Variants in TNFAIP8L3 observed in about 807,000 individuals in gnomAD.
TNFAIP8L3 encodes tumor necrosis factor alpha-induced protein 8-like protein 3.
TNFAIP8L3 carries 7 observed loss-of-function variants against 11.8 expected under a neutral mutation model. The observed-to-expected ratio is 0.59, with a 90% confidence interval of 0.34 to 1.11. The LOEUF is 1.11. Among genes scored for constraint, TNFAIP8L3 ranks in the 50% most tolerant of loss-of-function variants. The pLI, the probability that TNFAIP8L3 is intolerant of heterozygous loss-of-function variation, is 0.03. For synonymous variants in TNFAIP8L3, 98 were observed against 103.8 expected, an observed-to-expected ratio of 0.94 and a Z score of 0.34; for missense variants, 219 against 258.6, an observed-to-expected ratio of 0.85 and a Z score of 1.05.
intron 1 of TNFAIP8L3, among the ~76,000 whole-genome samples, chr15:51,089,914 C>T (rs2065455714): frequency 6.6e-6 from 1 of 152,232 alleles, no homozygotes; most frequent in Admixed American, 6.5e-5. Flanking sequence ...CATTCCCAGG[C>T]TGTCCTTGCC....
At position 51,058,448 on chromosome 15, in the gene TNFAIP8L3, G is replaced by C. The variant is rs749618818; in HGVS notation, c.53-5C>G. The C allele has an allele frequency of 2.3e-5, 32 of 1,377,258 alleles. No individual in the cohort carries two copies. The highest frequency in any genetic ancestry group is 2.9e-5 in the Non-Finnish European group (31 of 1,076,504). 85.3% of individuals were successfully genotyped at this position (1,377,258 alleles called of 1,614,324 possible). ...TTGAACTAAAAACATCAGGACCTAT[G>C]GTAAAAAAAATATATATAAAAGTTT... is the stretch of plus-strand genomic sequence containing the variant. On this transcript the variant is annotated splice_polypyrimidine_tract_variant and splice_region_variant and intron_variant, in intron 1 of 1. Transcript: ENST00000637513.
At chr15:51,073,414 T>C (rs534812498) in intron 1 of TNFAIP8L3, among the ~76,000 whole-genome samples, 3 of 152,262 alleles carry the variant, frequency 2.0e-5, no homozygotes, top group African/African-American at 4.8e-5. Flanking sequence ...CATAAATCTC[T>C]TGCATATCTT....
chr15:51,058,590 C>A (rs2065222225), intron 1 of TNFAIP8L3, 147 bp from the exon 2 acceptor site: 1 of 707,424 alleles, frequency 1.4e-6, no homozygotes, highest in Non-Finnish European at 2.2e-6. Context: ...CTAAACCCCA[C>A]CCCAGCCTGG....
chr15:51,085,487 T>C (rs1343857330), intron 1 of TNFAIP8L3, among the ~76,000 whole-genome samples: 2 of 152,020 alleles, frequency 1.3e-5, no homozygotes, highest in East Asian at 3.9e-4. Flanking sequence ...CTGTGGCAAA[T>C]GGGCCCAGGA....
At chr15:51,078,131 G>T (rs1320537479) in intron 1 of TNFAIP8L3, among the ~76,000 whole-genome samples, 2 of 152,090 alleles carry the variant, frequency 1.3e-5, no homozygotes, top group African/African-American at 4.8e-5. Context: ...GCCTGAGGAG[G>T]GAATGGCCAC....
rs533373142 is a variant in TNFAIP8L3, at chr15:51,078,154, G to A, written c.52+16390C>T. On this transcript the variant is annotated intron_variant, in intron 1 of 1. Transcript: ENST00000637513. ...AGGGAATGGCCACGGCAGGACAGAG[G>A]AGCTGTGGTTTTATTCTTCCCTGGC... Among the ~76,000 whole-genome samples, 4 of 152,262 alleles carry A rather than the reference G, an allele frequency of 2.6e-5. No homozygotes were observed. The East Asian group carries it at 7.7e-4, about 29-fold the overall frequency.
upstream of TNFAIP8L3, among the ~76,000 whole-genome samples, chr15:51,096,839 C>T (rs547071826): frequency 2.1e-5 from 3 of 145,324 alleles, no homozygotes; most frequent in Non-Finnish European, 3.0e-5. Context: ...TGCAGTGAGC[C>T]GAGATCGTGC....
rs983680900 is a variant in TNFAIP8L3 at position 51,056,794 on chromosome 15, A to G, written c.*1087T>C. ...GGGAGCACAGTGCTTCTCTGTTTCT[A>G]TATTGTGGATGGAAAACTCTCTCTC... On this transcript the variant is annotated 3_prime_UTR_variant, in exon 2 of 2. Coordinates refer to ENST00000637513, the MANE Select transcript of TNFAIP8L3 (RefSeq NM_001311175.2). 8 of 151,990 alleles carry G rather than the reference A, an allele frequency of 5.3e-5. No individual in the cohort carries two copies. Among genetic ancestry groups the G allele is most frequent in the African/African-American group, 1.9e-4 (8 of 41,374 alleles). The allele number at this position is 151,990 out of a possible 1,614,324, so 9.4% of individuals were successfully genotyped here.
At chr15:51,084,497 ATC>A (rs2065413561) in intron 1 of TNFAIP8L3, among the ~76,000 whole-genome samples, 1 of 152,226 alleles carries the variant, frequency 6.6e-6, no homozygotes, top group African/African-American at 2.4e-5. Flanking sequence ...GGATAATTTA[ATC>A]TCTCTGCATC....
In TNFAIP8L3 at chr15:51,094,186, G is replaced by C. The variant is rs1397886661; in HGVS notation, c.52+358C>G. ...CCGGCGCCCCAGGTTCGAGGACCCG[G>C]CCCGCGCTCGGAAAGTTATTTCAAA... is the stretch of plus-strand genomic sequence containing the variant. On this transcript the variant is annotated intron_variant, in intron 1 of 1. Transcript: ENST00000637513. The surrounding 1 kb of genome is among the most constrained non-coding windows in gnomAD (Gnocchi z 4.4). Among the ~76,000 whole-genome samples the C allele has an allele frequency of 6.6e-6, 1 of 152,210 alleles. No individual in the cohort carries two copies. The highest frequency in any genetic ancestry group is 1.5e-5 in the Non-Finnish European group (1 of 68,034).
chr15:51,100,988 C>T (rs1348457786), intron 1 of TNFAIP8L3, among the ~76,000 whole-genome samples: 4 of 152,214 alleles, frequency 2.6e-5, no homozygotes, highest in African/African-American at 9.6e-5. Flanking sequence ...TAGCTGTTTT[C>T]TAGCTGGATA....
chr15:51,085,479 G>A (rs1414244760), intron 1 of TNFAIP8L3, among the ~76,000 whole-genome samples: 4 of 152,218 alleles, frequency 2.6e-5, no homozygotes, highest in Non-Finnish European at 5.9e-5. Flanking sequence ...GGTCTGACCT[G>A]TGGCAAATGG....
intron 1 of TNFAIP8L3, among the ~76,000 whole-genome samples, chr15:51,077,711 C>A (rs1162955754): frequency 6.6e-6 from 1 of 152,222 alleles, no homozygotes. Context: ...GTCTGCCCTC[C>A]CTTCCCCGAC....
rs2065207483 is a variant in TNFAIP8L3, at chr15:51,056,845, T to C, written c.*1036A>G. On this transcript the variant is annotated 3_prime_UTR_variant, in exon 2 of 2. Coordinates refer to ENST00000637513, the MANE Select transcript of TNFAIP8L3 (RefSeq NM_001311175.2). ...CCCACCCCCCCATGGAAAGTTTCCC[T>C]CTGCAGGATCATCAACCTGAACATC... The C allele has an allele frequency of 6.6e-6, 1 of 151,952 alleles. No homozygotes were observed. Among genetic ancestry groups the C allele is most frequent in the South Asian group, 2.1e-4 (1 of 4,792 alleles). 9.4% of individuals were successfully genotyped at this position (151,952 alleles called of 1,614,324 possible).
intron 1 of TNFAIP8L3, among the ~76,000 whole-genome samples, chr15:51,075,451 T>G (rs2065343249): frequency 6.6e-6 from 1 of 152,162 alleles, no homozygotes; most frequent in Non-Finnish European, 1.5e-5. Context: ...ATGAGCTATT[T>G]TAATATACTC....
intron 1 of TNFAIP8L3, among the ~76,000 whole-genome samples, chr15:51,081,227 C>A (rs2065389896): frequency 6.6e-6 from 1 of 152,144 alleles, no homozygotes; most frequent in African/African-American, 2.4e-5. Flanking sequence ...GGGAAGACAT[C>A]TCAGGTGAGG....
intron 1 of TNFAIP8L3, among the ~76,000 whole-genome samples, chr15:51,076,358 A>G (rs1595611888): frequency 6.6e-6 from 1 of 152,166 alleles, no homozygotes; most frequent in African/African-American, 2.4e-5. Context: ...TCCAGGGGGA[A>G]TCCCATTCAC....
chr15:51,088,552 C>T (rs1431296832), intron 1 of TNFAIP8L3, among the ~76,000 whole-genome samples: 1 of 152,196 alleles, frequency 6.6e-6, no homozygotes, highest in Non-Finnish European at 1.5e-5. Flanking sequence ...CCTGGCACCA[C>T]TCTGAACACA....
intron 1 of TNFAIP8L3, among the ~76,000 whole-genome samples, chr15:51,092,677 G>A (rs754327173): frequency 3.3e-5 from 5 of 152,198 alleles, no homozygotes; most frequent in Non-Finnish European, 7.3e-5. Context: ...CCTTAGTGAT[G>A]TTTGCTGTCA....
Sources: gnomAD v4.1 joint callset for allele counts (sites outside exome capture counted in the v4.1 genomes callset) on GRCh38, gnomAD v4.1.1 for gene constraint, Gnocchi (gnomAD v3.1) non-coding constraint, MANE v1.5 for transcripts, NCBI Gene and HGNC (gene_info 2026-07-23, HGNC 2026-07-21) for gene names.